The following KYNU variants were observed in gnomAD, a reference collection of about 807,000 sequenced individuals.
The protein encoded by KYNU is L-kynurenine hydrolase.
A neutral mutation model predicts 59.2 loss-of-function variants in KYNU; 54 were observed. That is an observed-to-expected ratio of 0.91 (90% CI 0.73 to 1.14). The LOEUF is 1.14. Ranked by LOEUF, KYNU falls within the 50% of genes most tolerant of loss-of-function variation. The pLI is 0.00. For missense variants in KYNU, 567 were observed against 554.4 expected (o/e 1.02, Z -0.23); for synonymous variants, 177 against 192.0 (o/e 0.92, Z 0.65).
In KYNU at chr2:142,881,909, C is replaced by CTTTTTT. The variant is rs1222437103; in HGVS notation, c.-19-3439_-19-3434dup. On this transcript the variant is annotated intron_variant, in intron 1 of 13. Coordinates refer to ENST00000264170, the MANE Select transcript of KYNU (RefSeq NM_003937.3). The stretch of plus-strand genomic sequence containing the variant: ...TGCCAGCACACCTGGCTTTTCTTTT[C>CTTTTTT]TTTTTTCTTTTTTTTTTTTTTTTTT... 5.2e-3 allele frequency among the ~76,000 whole-genome samples: 653 copies of CTTTTTT among 124,480 alleles called. 29 individuals are homozygous for CTTTTTT. The highest frequency in any genetic ancestry group is 0.017 in the African/African-American group (504 of 30,038). The allele number at this position is 124,480 out of a possible 152,430, so 81.7% of individuals were successfully genotyped here. A position where few individuals can be genotyped will look rare whatever the true frequency, so the allele number is the denominator to read the frequency against.
At chr2:142,962,954 A>C (rs189423548) in intron 8 of KYNU, among the ~76,000 whole-genome samples, 183 of 152,286 alleles carry the variant, frequency 1.2e-3, no homozygotes, top group Non-Finnish European at 1.9e-3. Flanking sequence ...AGAGATAGGA[A>C]ATTCTAAGAA....
intron 4 of KYNU, among the ~76,000 whole-genome samples, chr2:142,945,352 C>T (rs1319105309): frequency 1.3e-5 from 2 of 152,202 alleles, no homozygotes; most frequent in African/African-American, 4.8e-5. Context: ...AGCATCTTCA[C>T]CATCTTCAAA....
chr2:142,960,854 C>A, intron 8 of KYNU, 84 bp downstream of exon 8: 3 of 1,314,504 alleles, frequency 2.3e-6, no homozygotes, highest in Non-Finnish European at 3.3e-6. Flanking sequence ...TTGTGAAGTA[C>A]TTTAGCTTGT....
intron 4 of KYNU, among the ~76,000 whole-genome samples, chr2:142,940,315 A>AT (rs1683556766): frequency 6.6e-6 from 1 of 152,146 alleles, no homozygotes; most frequent in Non-Finnish European, 1.5e-5. Flanking sequence ...TAATCCTGTT[A>AT]TTTTGTTCTT....
intron 3 of KYNU, among the ~76,000 whole-genome samples, chr2:142,923,099 G>C (rs936828468): frequency 2.0e-5 from 3 of 152,172 alleles, no homozygotes. Context: ...ACCTCCTAAA[G>C]ACTCTACCTC....
chr2:142,903,467 A>G (rs1209522921), intron 2 of KYNU, among the ~76,000 whole-genome samples: 1 of 152,036 alleles, frequency 6.6e-6, no homozygotes, highest in East Asian at 1.9e-4. Flanking sequence ...ATGTGAAAAG[A>G]GTAAAGTTCC....
At chr2:142,948,459 A>G (rs994401917) in intron 4 of KYNU, among the ~76,000 whole-genome samples, 3 of 152,222 alleles carry the variant, frequency 2.0e-5, no homozygotes. Context: ...GGCAATTTAC[A>G]AAGGAAAGAA....
At chr2:142,908,544 T>A (rs1274421745) in intron 2 of KYNU, among the ~76,000 whole-genome samples, 2 of 152,128 alleles carry the variant, frequency 1.3e-5, no homozygotes, top group African/African-American at 4.8e-5. Context: ...ACCAAAAAAA[T>A]TTAGAGTTTT....
chr2:143,041,105 C>G (rs1469196438), intron 13 of KYNU, among the ~76,000 whole-genome samples: 2 of 151,860 alleles, frequency 1.3e-5, no homozygotes, highest in African/African-American at 4.8e-5. Context: ...TCACTTCTGT[C>G]AAAAAAGATA....
At chr2:142,990,750 C>T (rs1294307672) in intron 10 of KYNU, among the ~76,000 whole-genome samples, 6 of 151,750 alleles carry the variant, frequency 4.0e-5, no homozygotes, top group Admixed American at 6.6e-5. Flanking sequence ...AGAATGGGGC[C>T]GACTGACAAT....
At chr2:143,016,140 C>G (rs1686239478) in intron 10 of KYNU, among the ~76,000 whole-genome samples, 1 of 152,178 alleles carries the variant, frequency 6.6e-6, no homozygotes, top group South Asian at 2.1e-4. Context: ...AAAACTTGCT[C>G]TGAGGCTTTG....
At chr2:143,002,300 G>T (rs1685727122) in intron 10 of KYNU, among the ~76,000 whole-genome samples, 2 of 152,174 alleles carry the variant, frequency 1.3e-5, no homozygotes, top group South Asian at 4.1e-4. Context: ...TGTAACTTCA[G>T]TAAATAAAAC....
rs1248062805 is a variant in KYNU, at chr2:142,954,857, T to C, written c.421T>C (p.Leu141=). 6.3e-7 allele frequency: 1 copy of C among 1,592,872 alleles called. No individual in the cohort carries two copies. The highest frequency in any genetic ancestry group is 1.1e-5 in the South Asian group (1 of 90,558). The part of the protein sequence containing the change: ...IALMNALTVN[L]HLLMLSFFKP... ...CCTAATGAATGCTTTGACTGTAAATTTACATCTTCTAATGGTAAGTTTTCT... is the reference window on the plus strand; with the variant it reads ...CCTAATGAATGCTTTGACTGTAAATCTACATCTTCTAATGGTAAGTTTTCT... The change falls in exon 5 of 14, where the codon TTA becomes CTA. Residue 141 remains leucine (L), a synonymous_variant. Coordinates refer to ENST00000264170, the MANE Select transcript of KYNU (RefSeq NM_003937.3).
At position 143,046,641 on chromosome 2, in the gene KYNU, T is replaced by C. The variant is rs924302292; in HGVS notation, c.*4469T>C. The C allele has an allele frequency of 2.0e-5, 3 of 151,970 alleles. No homozygotes were observed. Among genetic ancestry groups the C allele is most frequent in the African/African-American group, 7.2e-5 (3 of 41,404 alleles). The allele number at this position is 151,970 out of a possible 1,614,324, so 9.4% of individuals were successfully genotyped here. A position where few individuals can be genotyped will look rare whatever the true frequency, so the allele number is the denominator to read the frequency against. On this transcript the variant is annotated 3_prime_UTR_variant, in exon 14 of 14. Transcript: ENST00000264170. ...CTATCTGTACTTTCACACTGGCTAATTTGCTTGTTTTTTCATCAATACTTC... is the reference window on the plus strand; with the variant it reads ...CTATCTGTACTTTCACACTGGCTAACTTGCTTGTTTTTTCATCAATACTTC...
chr2:142,985,333 GATGGA>G, intron 9 of KYNU, 151 bp downstream of exon 9: 1 of 663,816 alleles, frequency 1.5e-6, no homozygotes, highest in South Asian at 1.6e-5. Context: ...CGAGTTATAT[GATGGA>G]ATAGTATGAT....
intron 10 of KYNU, among the ~76,000 whole-genome samples, chr2:143,007,530 A>G (rs1685952795): frequency 8.2e-6 from 1 of 121,696 alleles, no homozygotes; most frequent in South Asian, 3.1e-4. Flanking sequence ...AGGCAGGCCA[A>G]CGTTCAGATT....
chr2:143,046,694 G>A lies in KYNU; in HGVS notation c.*4522G>A, dbSNP rs944181498. ...TTCCTTAATTACTACAACATAGCAG[G>A]GCCTGGCATCTGCTAGATTAAATCT... On this transcript the variant is annotated 3_prime_UTR_variant, in exon 14 of 14. Transcript: ENST00000264170. The A allele has an allele frequency of 3.3e-5, 5 of 151,762 alleles. No individual in the cohort carries two copies. Among genetic ancestry groups the A allele is most frequent in the African/African-American group, 9.7e-5 (4 of 41,314 alleles). The allele number at this position is 151,762 out of a possible 1,614,324, so 9.4% of individuals were successfully genotyped here. A position where few individuals can be genotyped will look rare whatever the true frequency, so the allele number is the denominator to read the frequency against.
At chr2:142,986,920 A>G (rs1361561320) in intron 10 of KYNU, among the ~76,000 whole-genome samples, 1 of 152,038 alleles carries the variant, frequency 6.6e-6, no homozygotes, top group East Asian at 1.9e-4. Context: ...AGTTCTGTGC[A>G]TATAAATCCT....
Position 142,918,574 on chromosome 2 carries a change from T to TA in KYNU, c.170-35_170-34insA, listed in dbSNP as rs772050732. 53 of 468,884 alleles carry TA rather than the reference T, an allele frequency of 1.1e-4. No homozygotes were observed. The East Asian group carries it at 3.1e-3, about 27-fold the overall frequency. 29.0% of individuals were successfully genotyped at this position (468,884 alleles called of 1,614,324 possible). On this transcript the variant is annotated intron_variant, in intron 2 of 13. Transcript: ENST00000264170. ...AATACCATACTGAAAAAGCTTTTAT[T>TA]TTTTTTTTTTTTTTTGACATTTCTT...
Sources: allele counts gnomAD v4.1 joint callset (sites outside exome capture counted in the v4.1 genomes callset), GRCh38; gene constraint gnomAD v4.1.1; transcripts MANE v1.5; gene names NCBI Gene and HGNC (gene_info 2026-07-23, HGNC 2026-07-21).